LRIG3: variants seen among roughly 807,000 people sequenced by gnomAD.
LRIG3 encodes leucine-rich repeats and immunoglobulin-like domains protein 3.
In LRIG3, 76 loss-of-function variants were observed where a neutral mutation model predicts 114.5. That is an observed-to-expected ratio of 0.66 (90% CI 0.55 to 0.80). LRIG3 has a LOEUF of 0.80. LRIG3 is among the 30% of genes least tolerant of loss of function. LRIG3 has a pLI of 0.00. For synonymous variants in LRIG3, 512 were observed against 519.8 expected, an observed-to-expected ratio of 0.98 and a Z score of 0.20; for missense variants, 1,239 against 1,382.8, an observed-to-expected ratio of 0.90 and a Z score of 1.65.
intron 4 of LRIG3, 53 bp downstream of exon 4, chr12:58,890,612 T>A: frequency 6.8e-7 from 1 of 1,471,034 alleles, no homozygotes; most frequent in Non-Finnish European, 9.1e-7. Flanking sequence ...TATTTTTTCA[T>A]TGTAATATTT....
In LRIG3 at chr12:58,890,646, T is replaced by C. The variant is rs1039187884; in HGVS notation, c.515+19A>G. On this transcript the variant is annotated intron_variant, in intron 4 of 18. Coordinates refer to ENST00000320743, the MANE Select transcript of LRIG3 (RefSeq NM_153377.5). ...TTTCATTACAGGTGAAAGTTTTTGCTAAAGAAAACTTCACTTACAGATATT... is the reference window on the plus strand; with the variant it reads ...TTTCATTACAGGTGAAAGTTTTTGCCAAAGAAAACTTCACTTACAGATATT... The C allele has an allele frequency of 1.3e-6, 2 of 1,548,358 alleles. No homozygotes were observed. The highest frequency in any genetic ancestry group is 2.8e-5 in the African/African-American group (2 of 71,326).
intron 3 of LRIG3, among the ~76,000 whole-genome samples, chr12:58,898,347 T>C (rs1871718382): frequency 6.6e-6 from 1 of 152,224 alleles, no homozygotes; most frequent in African/African-American, 2.4e-5. Flanking sequence ...GTTGTGACTC[T>C]AGATCTGGAT....
intron 1 of LRIG3, among the ~76,000 whole-genome samples, chr12:58,917,883 A>T (rs2120998069): frequency 6.6e-6 from 1 of 152,314 alleles, no homozygotes; most frequent in African/African-American, 2.4e-5. Context: ...ATTACGAAAA[A>T]CTTTAGTAGC....
At chr12:58,880,320 G>GA (rs913691757) in intron 13 of LRIG3, 5,758 of 469,874 alleles carry the variant, frequency 0.012, no homozygotes, top group East Asian at 0.017. Context: ...AAAAGAAAAA[G>GA]AAAAAAAAAA....
intron 13 of LRIG3, among the ~76,000 whole-genome samples, chr12:58,880,033 C>G (rs1871066460): frequency 6.6e-6 from 1 of 152,144 alleles, no homozygotes; most frequent in Non-Finnish European, 1.5e-5. Context: ...TGGCTCACAC[C>G]TGTAATCCCA....
At position 58,872,501 on chromosome 12, in the gene LRIG3, A is replaced by C. The variant is rs1438518064; in HGVS notation, c.*71T>G. Reference sequence around the variant, plus strand: ...TTCATAACTCCATTTAAAAAACATAAGATTCTCTCTCTTTTAAATAAAAGT... The same window carrying C: ...TTCATAACTCCATTTAAAAAACATACGATTCTCTCTCTTTTAAATAAAAGT... On this transcript the variant is annotated 3_prime_UTR_variant, in exon 19 of 19. Coordinates refer to ENST00000320743, the MANE Select transcript of LRIG3 (RefSeq NM_153377.5). 20 of 1,433,252 alleles carry C rather than the reference A, an allele frequency of 1.4e-5. No homozygotes were observed. The highest frequency in any genetic ancestry group is 1.8e-5 in the Non-Finnish European group (19 of 1,080,490). 88.8% of individuals were successfully genotyped at this position (1,433,252 alleles called of 1,614,324 possible).
chr12:58,920,161 G>C lies in LRIG3; in HGVS notation c.75C>G (p.Gly25=), dbSNP rs969226759. Reference sequence around the variant, plus strand: ...CCCCGCGACCGCCGCTGTCTGACCGGCCAGCGCGCCCCAGCACCGCGCACA... The same window carrying C: ...CCCCGCGACCGCCGCTGTCTGACCGCCCAGCGCGCCCCAGCACCGCGCACA... The part of the protein sequence containing the change: ...LLLCAVLGRA[G]RSDSGGRGEL... The change falls in exon 1 of 19, where the codon GGC becomes GGG. Residue 25 remains glycine (G), a synonymous_variant. Coordinates refer to ENST00000320743, the MANE Select transcript of LRIG3 (RefSeq NM_153377.5). 1.3e-6 allele frequency: 2 copies of C among 1,540,454 alleles called. No individual in the cohort carries two copies. Among genetic ancestry groups the C allele is most frequent in the African/African-American group, 1.4e-5 (1 of 73,090 alleles).
rs1460054918 is a variant in LRIG3, at chr12:58,876,441, T to C, written c.2695+4A>G. 1.2e-6 allele frequency: 2 copies of C among 1,613,548 alleles called. No homozygotes were observed. The highest frequency in any genetic ancestry group is 1.7e-6 in the Non-Finnish European group (2 of 1,179,806). On this transcript the variant is annotated splice_donor_region_variant and intron_variant, in intron 16 of 18. Transcript: ENST00000320743. ...TACAGCCCACATTCATTTTAAACACTTACCACTACTGTCATGTTGTGGTAA... is the reference window on the plus strand; with the variant it reads ...TACAGCCCACATTCATTTTAAACACCTACCACTACTGTCATGTTGTGGTAA...
At chr12:58,910,942 C>A (rs1182839139) in intron 3 of LRIG3, among the ~76,000 whole-genome samples, 1 of 152,188 alleles carries the variant, frequency 6.6e-6, no homozygotes, top group Non-Finnish European at 1.5e-5. Context: ...CTCATGTAAG[C>A]CAGGTCAATA....
At chr12:58,911,906 C>T (rs1872291549) in intron 3 of LRIG3, among the ~76,000 whole-genome samples, 1 of 152,182 alleles carries the variant, frequency 6.6e-6, no homozygotes, top group African/African-American at 2.4e-5. Flanking sequence ...AGTTTTTACT[C>T]TCCACATTGA....
At chr12:58,917,124 A>G (rs1872506993) in intron 1 of LRIG3, among the ~76,000 whole-genome samples, 1 of 151,712 alleles carries the variant, frequency 6.6e-6, no homozygotes, top group Non-Finnish European at 1.5e-5. Flanking sequence ...AAGGACTATT[A>G]CCCCCACCCC....
At chr12:58,886,027 T>G in intron 9 of LRIG3, 125 bp from the exon 10 acceptor site, 1 of 427,422 alleles carries the variant, frequency 2.3e-6, no homozygotes, top group Non-Finnish European at 4.3e-6. Flanking sequence ...AAACAATATA[T>G]CCTGTAAAAA....
At chr12:58,896,440 C>G (rs757471680) in intron 3 of LRIG3, among the ~76,000 whole-genome samples, 2 of 152,148 alleles carry the variant, frequency 1.3e-5, no homozygotes, top group Non-Finnish European at 2.9e-5. Flanking sequence ...ACCAGAATAT[C>G]AGGTTTTCTC....
At chr12:58,890,160 A>G (rs890665321) in intron 4 of LRIG3, 21 bp from the exon 5 acceptor site, 2 of 1,609,444 alleles carry the variant, frequency 1.2e-6, no homozygotes, top group Non-Finnish European at 1.7e-6. Context: ...TTTAAAGATG[A>G]GCTTCTCCTT....
rs768361383 is a variant in LRIG3, at chr12:58,913,270, G to T, written c.383+712C>A. 3.9e-5 allele frequency among the ~76,000 whole-genome samples: 6 copies of T among 152,156 alleles called. 1 individual carries two copies. Among genetic ancestry groups the T allele is most frequent in the Admixed American group, 6.5e-5 (1 of 15,276 alleles). Reference sequence around the variant, plus strand: ...AAATTATTTAAGATTAAGGTGGTAAGCTAATTAGATTTTAGAAATTAAACC... The same window carrying T: ...AAATTATTTAAGATTAAGGTGGTAATCTAATTAGATTTTAGAAATTAAACC... On this transcript the variant is annotated intron_variant, in intron 3 of 18. Coordinates refer to ENST00000320743, the MANE Select transcript of LRIG3 (RefSeq NM_153377.5).
At position 58,914,067 on chromosome 12, in the gene LRIG3, CAAAA is replaced by C; in HGVS notation, c.309-15_309-12del. Reference sequence around the variant, plus strand: ...TTGTTGTTCAGTTTCCTACAAATGCCAAAAAAAAAAAGAAAAAGAAAAGCTGATT... The same window carrying C: ...TTGTTGTTCAGTTTCCTACAAATGCCAAAAAAAGAAAAAGAAAAGCTGATT... On this transcript the variant is annotated splice_polypyrimidine_tract_variant and intron_variant, in intron 2 of 18. Coordinates refer to ENST00000320743, the MANE Select transcript of LRIG3 (RefSeq NM_153377.5). The C allele has an allele frequency of 8.1e-7, 1 of 1,230,860 alleles. No individual in the cohort carries two copies. 76.2% of individuals were successfully genotyped at this position (1,230,860 alleles called of 1,614,324 possible). A position where few individuals can be genotyped will look rare whatever the true frequency, so the allele number is the denominator to read the frequency against.
At chr12:58,900,619 T>G (rs2120945942) in intron 3 of LRIG3, among the ~76,000 whole-genome samples, 1 of 152,356 alleles carries the variant, frequency 6.6e-6, no homozygotes, top group East Asian at 1.9e-4. Flanking sequence ...AAAATTCAGC[T>G]TAGATTTGTG....
intron 3 of LRIG3, among the ~76,000 whole-genome samples, chr12:58,902,946 C>T (rs557343159): frequency 2.0e-5 from 3 of 152,166 alleles, no homozygotes; most frequent in African/African-American, 4.8e-5. Context: ...ATATGTGCCA[C>T]ATTTTCTTAA....
intron 3 of LRIG3, among the ~76,000 whole-genome samples, chr12:58,906,633 C>A (rs868545590): frequency 6.6e-6 from 1 of 152,020 alleles, no homozygotes; most frequent in Non-Finnish European, 1.5e-5. Flanking sequence ...ATCACTATGG[C>A]CAACTCTACC....
Sources: gnomAD v4.1 joint callset for allele counts (sites outside exome capture counted in the v4.1 genomes callset) on GRCh38, gnomAD v4.1.1 for gene constraint, MANE v1.5 for transcripts, NCBI Gene and HGNC (gene_info 2026-07-23, HGNC 2026-07-21) for gene names.